RP1L1: variants seen among roughly 807,000 people sequenced by gnomAD.
The protein encoded by RP1L1 is RP1 like 1, also known as retinitis pigmentosa 1-like 1 protein.
In RP1L1, 27 loss-of-function variants were observed where a neutral mutation model predicts 15.7. That is an observed-to-expected ratio of 1.72 (90% CI 1.27 to 2.38). RP1L1 has a LOEUF of 2.38. Among genes scored for constraint, RP1L1 ranks in the 30% most tolerant of loss-of-function variants. The probability of loss-of-function intolerance (pLI) is 0.00; values close to 1 mark genes in which losing one functional copy is unlikely to be tolerated. For missense variants in RP1L1, 4,798 were observed against 3,075.9 expected, an observed-to-expected ratio of 1.56 and a Z score of -13.24; for synonymous variants, 1,813 against 1,276.7, an observed-to-expected ratio of 1.42 and a Z score of -8.96.
chr8:10,612,187 C>T lies in RP1L1; in HGVS notation c.1911G>A (p.Gly637=). ...TGGCCCGGCTTCTGTGCCTTCTCTG[C>T]CCCTGCTGGGATGAAGTGCAGGTGG... is the stretch of plus-strand genomic sequence containing the variant. ...TPSTCTSSQQ[G]QRRHRSRASA... is the part of the protein sequence containing the mutation. The change falls in exon 4 of 4, where the codon GGG becomes GGA. Residue 637 remains glycine (G), a synonymous_variant. Transcript: ENST00000382483. 6.2e-7 allele frequency: 1 copy of T among 1,613,394 alleles called. No individual in the cohort carries two copies. Among genetic ancestry groups the T allele is most frequent in the South Asian group, 1.1e-5 (1 of 91,084 alleles).
rs1288132145 is a variant in RP1L1 at position 10,612,530 on chromosome 8, G to A, written c.1568C>T (p.Pro523Leu). 8.7e-6 allele frequency: 14 copies of A among 1,610,432 alleles called. No homozygotes were observed. The highest frequency in any genetic ancestry group is 3.3e-5 in the Admixed American group (2 of 59,988). Residue 523 changes from proline to leucine, a missense_variant, in exon 4 of 4, where the codon CCG becomes CTG. Transcript: ENST00000382483. ...AGCCCCCTCCTCACTCCGGGCCCTC[G>A]GTGTCAGGCGGCCGCCTTGCTCTGG... is the stretch of plus-strand genomic sequence containing the variant. ...GGPEQGGRLT[P>L]RARSEEGASS...
chr8:10,616,692 C>A, intron 2 of RP1L1, 105 bp from the exon 3 acceptor site: 2 of 1,285,640 alleles, frequency 1.6e-6, no homozygotes, highest in Non-Finnish European at 2.1e-6. Flanking sequence ...GTCCTGATTT[C>A]TGCACATCTC....
chr8:10,608,519 G>A lies in RP1L1; in HGVS notation c.5579C>T (p.Ala1860Val). Residue 1860 changes from alanine to valine, a missense_variant, in exon 4 of 4, where the codon GCC becomes GTC. Coordinates refer to ENST00000382483, the MANE Select transcript of RP1L1 (RefSeq NM_178857.6). ...GVEAPEAEGD[A>V]QEAEGEAQPE... is the part of the protein sequence containing the mutation. ...CTGGGCCTCCCCTTCAGCCTCCTGG[G>A]CATCCCCTTCTGCCTCTGGGGCCTC... The A allele has an allele frequency of 6.3e-7, 1 of 1,582,042 alleles. No individual in the cohort carries two copies. The highest frequency in any genetic ancestry group is 8.6e-7 in the Non-Finnish European group (1 of 1,159,876).
intron 1 of RP1L1, among the ~76,000 whole-genome samples, chr8:10,649,513 T>C (rs1169394193): frequency 6.6e-6 from 1 of 152,154 alleles, no homozygotes; most frequent in Non-Finnish European, 1.5e-5. Context: ...AGGAGGCTGC[T>C]CGATGGTGGG....
At chr8:10,646,206 T>G (rs73198797) in intron 1 of RP1L1, among the ~76,000 whole-genome samples, 1,644 of 152,316 alleles carry the variant, frequency 0.011, 12 homozygotes, top group Non-Finnish European at 0.015. Context: ...GGCATCCCCA[T>G]GCCAACTTTG....
At chr8:10,624,852 T>C (rs549657660) in intron 1 of RP1L1, among the ~76,000 whole-genome samples, 1 of 152,316 alleles carries the variant, frequency 6.6e-6, no homozygotes, top group African/African-American at 2.4e-5. Flanking sequence ...AGTTGGGGTT[T>C]CTGTCTTGTC....
chr8:10,633,619 G>T (rs1798285447), intron 1 of RP1L1, among the ~76,000 whole-genome samples: 1 of 152,136 alleles, frequency 6.6e-6, no homozygotes, highest in African/African-American at 2.4e-5. Flanking sequence ...CGCACAGGAG[G>T]CAGAACAACT....
chr8:10,636,794 C>G (rs906064148), intron 1 of RP1L1, among the ~76,000 whole-genome samples: 2 of 152,226 alleles, frequency 1.3e-5, no homozygotes, highest in Non-Finnish European at 2.9e-5. Context: ...CCCTGCCCAG[C>G]AGCAGATCAG....
intron 1 of RP1L1, among the ~76,000 whole-genome samples, chr8:10,626,531 A>G (rs1351930268): frequency 6.6e-6 from 1 of 152,138 alleles, no homozygotes; most frequent in Non-Finnish European, 1.5e-5. Flanking sequence ...CACGGGCTGC[A>G]TGGGGTCAGG....
chr8:10,610,880 C>T lies in RP1L1; in HGVS notation c.3218G>A (p.Arg1073Gln), dbSNP rs747819398. The change falls in exon 4 of 4, where the codon CGG becomes CAG. Residue 1073 changes from arginine to glutamine, a missense_variant. Coordinates refer to ENST00000382483, the MANE Select transcript of RP1L1 (RefSeq NM_178857.6). ...GGCAGACACCCGGCCAGGAAGTGCC[C>T]GCAGGCTCACCCTGCAGCCTGCTGG... ...EAPAGCRVSL[R>Q]ALPGRVSAST... is the part of the protein sequence containing the mutation. The T allele has an allele frequency of 4.5e-5, 73 of 1,609,128 alleles. No homozygotes were observed. The highest frequency in any genetic ancestry group is 2.9e-4 in the East Asian group (13 of 44,756).
chr8:10,621,748 G>A (rs772655344), intron 2 of RP1L1: 12 of 509,404 alleles, frequency 2.4e-5, no homozygotes, highest in South Asian at 1.6e-4. Context: ...GCCGACCTTT[G>A]GTGGAATTTC....
intron 1 of RP1L1, among the ~76,000 whole-genome samples, chr8:10,649,504 G>C (rs1426378454): frequency 1.3e-5 from 2 of 152,198 alleles, no homozygotes; most frequent in Admixed American, 6.5e-5. Flanking sequence ...AGCCAGGACA[G>C]GAGGCTGCTC....
chr8:10,622,465 T>A (rs1798075758), intron 2 of RP1L1, 128 bp downstream of exon 2: 1 of 1,222,908 alleles, frequency 8.2e-7, no homozygotes, highest in Admixed American at 1.7e-5. Flanking sequence ...TCCATGCTGT[T>A]CACCTTTAAT....
chr8:10,625,231 G>A (rs1186740860), intron 1 of RP1L1, among the ~76,000 whole-genome samples: 4 of 152,040 alleles, frequency 2.6e-5, no homozygotes, highest in African/African-American at 4.8e-5. Flanking sequence ...GCCAGGCCGC[G>A]CCCAGAGAGA....
chr8:10,613,375 G>C (rs909365394), intron 3 of RP1L1, 29 bp from the exon 4 acceptor site: 4 of 1,598,882 alleles, frequency 2.5e-6, no homozygotes, highest in Non-Finnish European at 2.5e-6. Context: ...GAAAAGAAAA[G>C]AAGAAAAGAC....
rs770516421 is a variant in RP1L1 at position 10,612,874 on chromosome 8, C to G, written c.1224G>C (p.Trp408Cys). 6.2e-7 allele frequency: 1 copy of G among 1,613,032 alleles called. No individual in the cohort carries two copies. Among genetic ancestry groups the G allele is most frequent in the East Asian group, 2.2e-5 (1 of 44,876 alleles). Residue 408 changes from tryptophan (W) to cysteine (C), a missense_variant, in exon 4 of 4, where the codon TGG becomes TGC. Transcript: ENST00000382483. Reference protein sequence around the residue: ...GGQPGPKYEIWTNPLHASQGE... With the variant: ...GGQPGPKYEICTNPLHASQGE... The stretch of plus-strand genomic sequence containing the variant: ...CCTGGGAGGCATGCAGGGGATTCGT[C>G]CAGATTTCATACTTGGGCCCTGGCT...
intron 1 of RP1L1, among the ~76,000 whole-genome samples, chr8:10,624,868 G>A (rs535046106): frequency 1.3e-5 from 2 of 152,284 alleles, no homozygotes; most frequent in South Asian, 4.1e-4. Flanking sequence ...TTGTCGAACA[G>A]GAAGAGCCCC....
intron 1 of RP1L1, among the ~76,000 whole-genome samples, chr8:10,624,984 G>A (rs895454013): frequency 6.6e-6 from 1 of 152,184 alleles, no homozygotes; most frequent in Admixed American, 6.5e-5. Context: ...GTTGGGAGCC[G>A]AGGCTCCTGT....
chr8:10,622,788 G>T lies in RP1L1; in HGVS notation c.414C>A (p.Ala138=). 1 of 1,613,954 alleles carries T rather than the reference G, an allele frequency of 6.2e-7. No homozygotes were observed. The highest frequency in any genetic ancestry group is 8.5e-7 in the Non-Finnish European group (1 of 1,179,948). Reference sequence around the variant, plus strand: ...TCTTCCGGGAGGAGGAGGTGCCTGGGGCTTCACGCTGGCCTTCGACATCCC... The same window carrying T: ...TCTTCCGGGAGGAGGAGGTGCCTGGTGCTTCACGCTGGCCTTCGACATCCC... ...QLRDVEGQRE[A]PGTSSSRKSL... The change falls in exon 2 of 4, where the codon GCC becomes GCA. Residue 138 remains alanine, a synonymous_variant. Coordinates refer to ENST00000382483, the MANE Select transcript of RP1L1 (RefSeq NM_178857.6).
Sources: allele counts gnomAD v4.1 joint callset (sites outside exome capture counted in the v4.1 genomes callset), GRCh38; gene constraint gnomAD v4.1.1; transcripts MANE v1.5; gene names NCBI Gene and HGNC (gene_info 2026-07-23, HGNC 2026-07-21).